Variants in CCSER1 observed in about 807,000 individuals in gnomAD.
CCSER1 encodes serine-rich coiled-coil domain-containing protein 1.
A neutral mutation model predicts 82.0 loss-of-function variants in CCSER1; 41 were observed. The ratio of observed to expected loss-of-function variants is 0.50; its 90% confidence interval spans 0.39 to 0.65. CCSER1 has a LOEUF of 0.65. Among genes scored for constraint, CCSER1 ranks in the 30% least tolerant of loss-of-function variants. CCSER1 has a pLI of 0.00. For synonymous variants in CCSER1, 414 were observed against 383.9 expected, an observed-to-expected ratio of 1.08 and a Z score of -0.92; for missense variants, 1,119 against 1,064.2, an observed-to-expected ratio of 1.05 and a Z score of -0.72.
chr4:90,475,620 C>T (rs752983960), intron 5 of CCSER1, among the ~76,000 whole-genome samples: 1 of 152,134 alleles, frequency 6.6e-6, no homozygotes, highest in Non-Finnish European at 1.5e-5. Flanking sequence ...CAGAAAACCT[C>T]GAGGGTGAAA....
chr4:91,522,599 A>T (rs183500466), intron 10 of CCSER1, among the ~76,000 whole-genome samples: 5,392 of 152,260 alleles, frequency 0.035, 331 homozygotes, highest in African/African-American at 0.12. Context: ...ATACCTTGTA[A>T]GTTGGATTCC....
At chr4:90,311,004 T>C (rs773357611) in intron 2 of CCSER1, among the ~76,000 whole-genome samples, 1 of 152,074 alleles carries the variant, frequency 6.6e-6, no homozygotes, top group Non-Finnish European at 1.5e-5. Context: ...CATGAGAATA[T>C]GATAATGATG....
At position 90,879,549 on chromosome 4, in the gene CCSER1, A is replaced by G. The variant is rs1319595447; in HGVS notation, c.2095-43821A>G. Among the ~76,000 whole-genome samples, 13 of 4,702 alleles carry G rather than the reference A, an allele frequency of 2.8e-3. No individual in the cohort carries two copies. In the South Asian group the frequency reaches 0.11, roughly 40 times the overall value. 3.1% of individuals were successfully genotyped at this position (4,702 alleles called of 152,430 possible). A position where few individuals can be genotyped will look rare whatever the true frequency, so the allele number is the denominator to read the frequency against. ...GGAAGAGGAAGAAGAAGAAAGAAGA[A>G]GAAGAGGAAGAAGAAGAAGAGGAAG... On this transcript the variant is annotated intron_variant, in intron 8 of 10. Coordinates refer to ENST00000509176, the MANE Select transcript of CCSER1 (RefSeq NM_001145065.2).
intron 1 of CCSER1, among the ~76,000 whole-genome samples, chr4:90,138,482 T>C (rs1724123106): frequency 6.6e-6 from 1 of 152,214 alleles, no homozygotes. Flanking sequence ...GAAAATTTGT[T>C]CTTAATTTGG....
chr4:90,348,215 T>C (rs1255771318), intron 3 of CCSER1, among the ~76,000 whole-genome samples: 1 of 152,106 alleles, frequency 6.6e-6, no homozygotes, highest in African/African-American at 2.4e-5. Context: ...CAAACCCCCA[T>C]GGTGCACGTT....
At chr4:90,478,350 T>C (rs1474187508) in intron 5 of CCSER1, among the ~76,000 whole-genome samples, 1 of 152,194 alleles carries the variant, frequency 6.6e-6, no homozygotes. Context: ...TCATTCTCTC[T>C]CACTAGATAT....
chr4:91,108,384 A>T (rs1486668910), intron 10 of CCSER1, among the ~76,000 whole-genome samples: 2 of 152,202 alleles, frequency 1.3e-5, no homozygotes, highest in East Asian at 3.9e-4. Context: ...AATGGTTGAG[A>T]GAAAATATAT....
intron 10 of CCSER1, among the ~76,000 whole-genome samples, chr4:91,380,047 T>C (rs1037114261): frequency 1.3e-5 from 2 of 152,194 alleles, no homozygotes; most frequent in African/African-American, 4.8e-5. Flanking sequence ...TTCCGTGTAG[T>C]TGAGCAGTTT....
intron 6 of CCSER1, among the ~76,000 whole-genome samples, chr4:90,720,872 G>C (rs1233634332): frequency 1.3e-5 from 2 of 151,960 alleles, no homozygotes; most frequent in Non-Finnish European, 2.9e-5. Context: ...ATTATTAATA[G>C]TGCCTCTTAT....
intron 5 of CCSER1, among the ~76,000 whole-genome samples, chr4:90,605,863 T>G (rs114954465): frequency 2.1e-3 from 315 of 152,268 alleles, no homozygotes; most frequent in African/African-American, 7.5e-3. Flanking sequence ...AGTTCAACAA[T>G]GTATTCTTAG....
chr4:91,510,651 A>G (rs1361939845), intron 10 of CCSER1, among the ~76,000 whole-genome samples: 1 of 151,954 alleles, frequency 6.6e-6, no homozygotes, highest in Non-Finnish European at 1.5e-5. Context: ...TGTCCATGTC[A>G]TTTGTTCACT....
chr4:91,452,459 G>A (rs2149421079), intron 10 of CCSER1, among the ~76,000 whole-genome samples: 1 of 152,054 alleles, frequency 6.6e-6, no homozygotes, highest in Non-Finnish European at 1.5e-5. Flanking sequence ...TAGAGTACCA[G>A]AAATACTAAA....
intron 7 of CCSER1, among the ~76,000 whole-genome samples, chr4:90,794,519 TAA>T (rs1755710291): frequency 6.6e-6 from 1 of 152,192 alleles, no homozygotes. Flanking sequence ...TCCATTGGTC[TAA>T]GTGTCTGTTT....
At chr4:90,611,153 C>A (rs1785449392) in intron 5 of CCSER1, among the ~76,000 whole-genome samples, 1 of 148,440 alleles carries the variant, frequency 6.7e-6, no homozygotes, top group African/African-American at 2.5e-5. Flanking sequence ...CTCGCCTCAG[C>A]CTCCCAAATT....
At chr4:90,625,810 CTAATT>C (rs111708776) in intron 5 of CCSER1, among the ~76,000 whole-genome samples, 4,345 of 152,176 alleles carry the variant, frequency 0.029, 196 homozygotes, top group African/African-American at 0.1. Flanking sequence ...GAAAAAATGA[CTAATT>C]TTATTTTCAA....
chr4:91,244,457 G>A (rs1739608965), intron 10 of CCSER1, among the ~76,000 whole-genome samples: 1 of 152,170 alleles, frequency 6.6e-6, no homozygotes, highest in South Asian at 2.1e-4. Context: ...ACATCCCCAG[G>A]TCCAGGTGTC....
At chr4:91,108,530 C>T (rs1725831735) in intron 10 of CCSER1, among the ~76,000 whole-genome samples, 1 of 152,138 alleles carries the variant, frequency 6.6e-6, no homozygotes, top group Non-Finnish European at 1.5e-5. Flanking sequence ...CATAAGTGTT[C>T]TCCTATGCTT....
chr4:90,481,931 G>A (rs188633937), intron 5 of CCSER1, among the ~76,000 whole-genome samples: 58 of 152,280 alleles, frequency 3.8e-4, no homozygotes, highest in African/African-American at 1.3e-3. Context: ...GATTGGAATA[G>A]TTTCAGAAGG....
intron 8 of CCSER1, among the ~76,000 whole-genome samples, chr4:90,846,522 G>A (rs546755397): frequency 2.0e-4 from 31 of 152,186 alleles, no homozygotes; most frequent in Non-Finnish European, 4.3e-4. Context: ...ATCAAATCAA[G>A]GCATTTTGGA....
Sources: allele counts gnomAD v4.1 joint callset (sites outside exome capture counted in the v4.1 genomes callset), GRCh38; gene constraint gnomAD v4.1.1; transcripts MANE v1.5; gene names NCBI Gene and HGNC (gene_info 2026-07-23, HGNC 2026-07-21).